Variants in CAMSAP2 observed in about 807,000 individuals in gnomAD.
CAMSAP2 encodes calmodulin-regulated spectrin-associated protein 2.
CAMSAP2 carries 26 observed loss-of-function variants against 146.1 expected under a neutral mutation model. That is an observed-to-expected ratio of 0.18 (90% CI 0.13 to 0.25). The LOEUF is 0.25. CAMSAP2 is among the 10% of genes least tolerant of loss of function. The pLI is 1.00. For synonymous variants in CAMSAP2, 499 were observed against 596.6 expected, an observed-to-expected ratio of 0.84 and a Z score of 2.38; for missense variants, 1,381 against 1,759.3, an observed-to-expected ratio of 0.78 and a Z score of 3.85.
chr1:200,769,184 C>T (rs1464452392), intron 2 of CAMSAP2, among the ~76,000 whole-genome samples: 2 of 152,066 alleles, frequency 1.3e-5, no homozygotes, highest in Non-Finnish European at 2.9e-5. Flanking sequence ...ATCCTTTGTT[C>T]CTCCTAGTGC....
intron 6 of CAMSAP2, among the ~76,000 whole-genome samples, chr1:200,838,376 C>A (rs1311026126): frequency 6.6e-6 from 1 of 152,032 alleles, no homozygotes; most frequent in Non-Finnish European, 1.5e-5. Flanking sequence ...AGAAAGTATA[C>A]CATAAAGATA....
chr1:200,771,243 C>A (rs747070396), intron 2 of CAMSAP2, among the ~76,000 whole-genome samples: 1 of 151,672 alleles, frequency 6.6e-6, no homozygotes, highest in Non-Finnish European at 1.5e-5. Flanking sequence ...TTAGTGACCA[C>A]CGACAGGAAG....
intron 1 of CAMSAP2, 38 bp from the exon 2 acceptor site, chr1:200,760,801 A>C (rs1664778357): frequency 1.4e-6 from 2 of 1,446,328 alleles, no homozygotes; most frequent in Admixed American, 2.1e-5. Flanking sequence ...TCTTTTATAA[A>C]AATCTTGTAA....
intron 4 of CAMSAP2, among the ~76,000 whole-genome samples, chr1:200,831,630 G>GT (rs546429195): frequency 1.4e-3 from 197 of 139,268 alleles, no homozygotes; most frequent in Middle Eastern, 7.8e-3. Flanking sequence ...AGTTGGAAGG[G>GT]TTTTTTTTTT....
At chr1:200,750,966 G>A (rs1177186435) in intron 1 of CAMSAP2, among the ~76,000 whole-genome samples, 3 of 135,230 alleles carry the variant, frequency 2.2e-5, no homozygotes, top group African/African-American at 8.5e-5. Flanking sequence ...GCAGTGGCAC[G>A]ATCTCGGCTC....
intron 2 of CAMSAP2, among the ~76,000 whole-genome samples, chr1:200,770,222 T>C (rs1665077819): frequency 6.6e-6 from 1 of 152,202 alleles, no homozygotes; most frequent in Non-Finnish European, 1.5e-5. Context: ...ATGTAATGTA[T>C]GATATAGGTG....
intron 1 of CAMSAP2, among the ~76,000 whole-genome samples, chr1:200,752,137 A>G (rs17750695): frequency 0.041 from 6,263 of 152,254 alleles, 178 homozygotes; most frequent in Middle Eastern, 0.071. Context: ...ACATTAATGC[A>G]TGACCGTTGG....
chr1:200,850,002 C>T lies in CAMSAP2; in HGVS notation c.3233C>T (p.Thr1078Ile). Residue 1078 changes from threonine (T) to isoleucine (I), a missense_variant, in exon 11 of 17, where the codon ACA becomes ATA. By Grantham distance (89) the Thr-to-Ile change is moderately conservative. Coordinates refer to ENST00000358823, the MANE Select transcript of CAMSAP2 (RefSeq NM_203459.4). ...TCTGAAGTCCTATCACTGCCTGTCA[C>T]AGAGACTGTATGTCTGACACCAAAT... ...TVSEVLSLPV[T>I]ETVCLTPNED... 6.2e-7 allele frequency: 1 copy of T among 1,614,106 alleles called. No homozygotes were observed. The highest frequency in any genetic ancestry group is 8.5e-7 in the Non-Finnish European group (1 of 1,180,000).
At chr1:200,790,459 G>A (rs1461015247) in intron 2 of CAMSAP2, among the ~76,000 whole-genome samples, 1 of 152,136 alleles carries the variant, frequency 6.6e-6, no homozygotes, top group African/African-American at 2.4e-5. Flanking sequence ...TGATCCCTTG[G>A]AGTTTTAACT....
intron 2 of CAMSAP2, among the ~76,000 whole-genome samples, chr1:200,782,836 G>GC (rs1368627483): frequency 7.3e-6 from 1 of 136,692 alleles, no homozygotes; most frequent in African/African-American, 2.8e-5. Flanking sequence ...TGTCATCCAG[G>GC]CTAGAGTACA....
At chr1:200,770,458 A>G (rs892577140) in intron 2 of CAMSAP2, among the ~76,000 whole-genome samples, 2 of 151,470 alleles carry the variant, frequency 1.3e-5, no homozygotes, top group African/African-American at 4.9e-5. Flanking sequence ...CTGTCTCCCA[A>G]GCTGGAGTGC....
In CAMSAP2 at chr1:200,759,352, C is replaced by G. The variant is rs139661218; in HGVS notation, c.140-1487C>G. Among the ~76,000 whole-genome samples, 762 of 149,922 alleles carry G rather than the reference C, an allele frequency of 5.1e-3. 10 individuals are homozygous for G. Among genetic ancestry groups the G allele is most frequent in the African/African-American group, 0.018 (732 of 40,888 alleles). On this transcript the variant is annotated intron_variant, in intron 1 of 16. Coordinates refer to ENST00000358823, the MANE Select transcript of CAMSAP2 (RefSeq NM_203459.4). ...TGGAGTGCAATGGCGCGATCTCACT[C>G]TCTGCAACCTCTGCCTCCTAGGTTC... is the stretch of plus-strand genomic sequence containing the variant.
chr1:200,742,609 G>T (rs962325085), intron 1 of CAMSAP2, among the ~76,000 whole-genome samples: 2 of 151,948 alleles, frequency 1.3e-5, no homozygotes, highest in Non-Finnish European at 2.9e-5. Context: ...TATTTCAAAG[G>T]TATTACCTAA....
At chr1:200,744,331 T>C (rs554925006) in intron 1 of CAMSAP2, among the ~76,000 whole-genome samples, 1 of 152,314 alleles carries the variant, frequency 6.6e-6, no homozygotes, top group East Asian at 1.9e-4. Flanking sequence ...AGGGAATGTG[T>C]AAGAGGGTGA....
At chr1:200,773,493 A>G (rs1013225634) in intron 2 of CAMSAP2, among the ~76,000 whole-genome samples, 15 of 152,010 alleles carry the variant, frequency 9.9e-5, no homozygotes, top group African/African-American at 2.2e-4. Context: ...CTGACCTCAC[A>G]TGATCCGCCT....
Position 200,849,959 on chromosome 1 carries a change from C to T in CAMSAP2, c.3190C>T (p.Pro1064Ser). 2 of 1,614,172 alleles carry T rather than the reference C, an allele frequency of 1.2e-6. No homozygotes were observed. The highest frequency in any genetic ancestry group is 1.7e-6 in the Non-Finnish European group (2 of 1,180,028). ...GHNPEEKEIK[P>S]FESTVSEVLS... ...TAATCCAGAAGAAAAGGAAATCAAA[C>T]CTTTTGAGTCAACAGTCTCTGAAGT... The change falls in exon 11 of 17, where the codon CCT becomes TCT. Residue 1064 changes from proline to serine, a missense_variant. Pro to Ser is a moderately conservative substitution (Grantham distance 74, BLOSUM62 -1). Transcript: ENST00000358823. This position sits in a 1 kb window ranked among gnomAD's most constrained non-coding sequence, Gnocchi z 6.3.
At chr1:200,785,973 AG>A (rs1177420438) in intron 2 of CAMSAP2, among the ~76,000 whole-genome samples, 2 of 152,380 alleles carry the variant, frequency 1.3e-5, no homozygotes, top group African/African-American at 4.8e-5. Context: ...TACAGGCGTG[AG>A]CCACGGCACC....
intron 11 of CAMSAP2, among the ~76,000 whole-genome samples, chr1:200,851,427 T>G: frequency 6.6e-6 from 1 of 152,126 alleles, no homozygotes; most frequent in Non-Finnish European, 1.5e-5. Context: ...ACTCCCAACC[T>G]CAGGTGATCT....
At chr1:200,845,003 A>G in intron 8 of CAMSAP2, 134 bp downstream of exon 8, 3 of 456,544 alleles carry the variant, frequency 6.6e-6, no homozygotes, top group Admixed American at 4.1e-5. Flanking sequence ...AGCTTACCCT[A>G]TTAAAGCCTG....
Sources: allele counts gnomAD v4.1 joint callset (sites outside exome capture counted in the v4.1 genomes callset), GRCh38; gene constraint gnomAD v4.1.1; non-coding constraint Gnocchi (gnomAD v3.1); transcripts MANE v1.5; gene names NCBI Gene and HGNC (gene_info 2026-07-23, HGNC 2026-07-21).